The following MAPKAPK2 variants were observed in gnomAD, a reference collection of about 807,000 sequenced individuals.
MAPKAPK2 encodes the protein MAP kinase-activated protein kinase 2.
In MAPKAPK2, 9 loss-of-function variants were observed where a neutral mutation model predicts 48.8. That is an observed-to-expected ratio of 0.18 (90% confidence interval 0.11 to 0.32). MAPKAPK2 has a LOEUF of 0.32. Ranked by LOEUF, MAPKAPK2 falls within the 10% of genes least tolerant of loss-of-function variation. The pLI is 1.00. For synonymous variants in MAPKAPK2, 202 were observed against 190.6 expected (o/e 1.06, Z -0.49); for missense variants, 331 against 498.3 (o/e 0.66, Z 3.20).
chr1:206,693,577 C>T (rs1672520968), intron 1 of MAPKAPK2, among the ~76,000 whole-genome samples: 1 of 152,174 alleles, frequency 6.6e-6, no homozygotes, highest in South Asian at 2.1e-4. Flanking sequence ...ACTGTGCTCG[C>T]CTCCAGCCCT....
intron 1 of MAPKAPK2, 135 bp from the exon 2 acceptor site, chr1:206,728,575 A>T: frequency 2.4e-6 from 2 of 828,290 alleles, no homozygotes; most frequent in Admixed American, 3.4e-5. Flanking sequence ...AAATGTGCCA[A>T]GGGGGCTGGT....
intron 1 of MAPKAPK2, among the ~76,000 whole-genome samples, chr1:206,710,082 A>G (rs1180239485): frequency 6.6e-6 from 1 of 152,038 alleles, no homozygotes; most frequent in Non-Finnish European, 1.5e-5. Context: ...CTTTCTATGG[A>G]CAGTCCTCAT....
chr1:206,721,226 C>A (rs1673509542), intron 1 of MAPKAPK2, among the ~76,000 whole-genome samples: 1 of 152,150 alleles, frequency 6.6e-6, no homozygotes, highest in East Asian at 1.9e-4. Context: ...CCCTGCTCCC[C>A]CTTCACCTTC....
intron 1 of MAPKAPK2, among the ~76,000 whole-genome samples, chr1:206,702,790 G>A (rs567343806): frequency 2.0e-5 from 3 of 152,270 alleles, no homozygotes; most frequent in Admixed American, 1.3e-4. Flanking sequence ...ACTCCTTCCC[G>A]CTCTGCCTTG....
In MAPKAPK2 at chr1:206,696,417, ACT is replaced by A. The variant is rs1373845175; in HGVS notation, c.279+10911_279+10912del. 8.5e-6 allele frequency: 5 copies of A among 589,852 alleles called. No homozygotes were observed. In the Admixed American group the frequency reaches 1.5e-4, roughly 17 times the overall value. The allele number at this position is 589,852 out of a possible 1,614,324, so 36.5% of individuals were successfully genotyped here. On this transcript the variant is annotated intron_variant, in intron 1 of 9. Coordinates refer to ENST00000367103, the MANE Select transcript of MAPKAPK2 (RefSeq NM_032960.4). ...AGTGACCGTATGTCCTCATTAAAAA[ACT>A]CAGGCCAGGCATGGTGGCTCACGCC... is the stretch of plus-strand genomic sequence containing the variant.
At chr1:206,694,599 G>A (rs1672558677) in intron 1 of MAPKAPK2, among the ~76,000 whole-genome samples, 1 of 152,212 alleles carries the variant, frequency 6.6e-6, no homozygotes, top group South Asian at 2.1e-4. Flanking sequence ...ACGGGAGCTG[G>A]AGAAGGCTAG....
chr1:206,708,830 T>C (rs1673046322), intron 1 of MAPKAPK2, among the ~76,000 whole-genome samples: 1 of 152,138 alleles, frequency 6.6e-6, no homozygotes, highest in South Asian at 2.1e-4. Context: ...TCACTGTAGA[T>C]TAGTTTTGCT....
At position 206,731,094 on chromosome 1, in the gene MAPKAPK2, T is replaced by C. The variant is rs1312708375; in HGVS notation, c.768-44T>C. The C allele has an allele frequency of 2.5e-6, 4 of 1,613,560 alleles. No individual in the cohort carries two copies. Among genetic ancestry groups the C allele is most frequent in the East Asian group, 4.5e-5 (2 of 44,886 alleles). ...CTGTTCCTGGTACAGGGCCACTAAG[T>C]GACAGCTGTTCTGTCTCCCACTTCC... On this transcript the variant is annotated intron_variant, in intron 6 of 9. Transcript: ENST00000367103. This position sits in a 1 kb window ranked among gnomAD's most constrained non-coding sequence, Gnocchi z 5.9.
chr1:206,714,779 A>G (rs1169120147), intron 1 of MAPKAPK2, among the ~76,000 whole-genome samples: 8 of 151,378 alleles, frequency 5.3e-5, no homozygotes, highest in African/African-American at 1.9e-4. Flanking sequence ...AAAAAAAAAA[A>G]AAGAAGTCCC....
At chr1:206,688,595 T>G (rs1335539541) in intron 1 of MAPKAPK2, among the ~76,000 whole-genome samples, 1 of 152,214 alleles carries the variant, frequency 6.6e-6, no homozygotes, top group Non-Finnish European at 1.5e-5. Context: ...GATAGGCACC[T>G]TACTTACTAT....
intron 1 of MAPKAPK2, among the ~76,000 whole-genome samples, chr1:206,699,223 C>T (rs948187015): frequency 1.3e-5 from 2 of 152,224 alleles, no homozygotes; most frequent in South Asian, 2.1e-4. Flanking sequence ...TGTGGTTCCT[C>T]GTTTTGTATC....
chr1:206,689,089 G>A (rs1415931438), intron 1 of MAPKAPK2, among the ~76,000 whole-genome samples: 2 of 152,126 alleles, frequency 1.3e-5, no homozygotes, highest in African/African-American at 4.8e-5. Flanking sequence ...CTGTATCGTT[G>A]TTCTCTGCTG....
chr1:206,732,214 CTG>C lies in MAPKAPK2; in HGVS notation c.1059+296_1059+297del. On this transcript the variant is annotated intron_variant, in intron 9 of 9. Coordinates refer to ENST00000367103, the MANE Select transcript of MAPKAPK2 (RefSeq NM_032960.4). The surrounding 1 kb of genome is among the most constrained non-coding windows in gnomAD (Gnocchi z 4.4). The stretch of plus-strand genomic sequence containing the variant: ...ATCTTCTCATTTTGCAGAAGAGAAA[CTG>C]AGGCCCAGAGGCGGAGGGCAGTCTG... 2 of 1,554,674 alleles carry C rather than the reference CTG, an allele frequency of 1.3e-6. No individual in the cohort carries two copies. Among genetic ancestry groups the C allele is most frequent in the South Asian group, 2.3e-5 (2 of 85,348 alleles).
rs1672905891 is a variant in MAPKAPK2 at position 206,704,925 on chromosome 1, A to G, written c.279+19417A>G. Among the ~76,000 whole-genome samples the G allele has an allele frequency of 6.6e-6, 1 of 152,188 alleles. No homozygotes were observed. The highest frequency in any genetic ancestry group is 2.4e-5 in the African/African-American group (1 of 41,442). On this transcript the variant is annotated intron_variant, in intron 1 of 9. Transcript: ENST00000367103. This position sits in a 1 kb window ranked among gnomAD's most constrained non-coding sequence, Gnocchi z 4.3. Reference sequence around the variant, plus strand: ...CCAAGTGCAGCGCCAGTCCCGAGACACTCTGTGATCATCTAAACTGGGGAA... The same window carrying G: ...CCAAGTGCAGCGCCAGTCCCGAGACGCTCTGTGATCATCTAAACTGGGGAA...
chr1:206,730,581 C>T, intron 5 of MAPKAPK2, 107 bp from the exon 6 acceptor site: 1 of 970,596 alleles, frequency 1.0e-6, no homozygotes, highest in Non-Finnish European at 1.6e-6. Flanking sequence ...CTGCTGCCAC[C>T]TCATGATAGG....
chr1:206,699,998 TCTTA>T lies in MAPKAPK2; in HGVS notation c.279+14494_279+14497del, dbSNP rs1460435172. ...TTCTTTTTTTCTCTTTCTTTCTTCT[TCTTA>T]CTTTTTTTTTTTTTTTTTTTAAATA... On this transcript the variant is annotated intron_variant, in intron 1 of 9. Coordinates refer to ENST00000367103, the MANE Select transcript of MAPKAPK2 (RefSeq NM_032960.4). 6.0e-5 allele frequency among the ~76,000 whole-genome samples: 9 copies of T among 150,752 alleles called. No individual in the cohort carries two copies. In the East Asian group the frequency reaches 1.5e-3, roughly 26 times the overall value.
chr1:206,692,245 A>C (rs541633499), intron 1 of MAPKAPK2, among the ~76,000 whole-genome samples: 1 of 152,130 alleles, frequency 6.6e-6, no homozygotes, highest in Non-Finnish European at 1.5e-5. Context: ...CTTCTAATTC[A>C]CCAAAGGTAT....
intron 1 of MAPKAPK2, 61 bp from the exon 2 acceptor site, chr1:206,728,649 C>A (rs1189959027): frequency 1.3e-6 from 2 of 1,564,538 alleles, no homozygotes; most frequent in Admixed American, 3.6e-5. Flanking sequence ...GCATGTGGGC[C>A]AGGGGCTTAG....
chr1:206,686,254 C>G (rs375034973), intron 1 of MAPKAPK2, among the ~76,000 whole-genome samples: 2 of 152,238 alleles, frequency 1.3e-5, no homozygotes, highest in African/African-American at 2.4e-5. Context: ...CGGCCGGGCC[C>G]GTGCTGATTC....
Sources: gnomAD v4.1 joint callset for allele counts (sites outside exome capture counted in the v4.1 genomes callset) on GRCh38, gnomAD v4.1.1 for gene constraint, Gnocchi (gnomAD v3.1) non-coding constraint, MANE v1.5 for transcripts, NCBI Gene and HGNC (gene_info 2026-07-23, HGNC 2026-07-21) for gene names.